SRP54: variants seen among roughly 807,000 people sequenced by gnomAD.
SRP54 encodes signal recognition particle 54, also known as signal recognition particle subunit SRP54.
A neutral mutation model predicts 64.8 loss-of-function variants in SRP54; 10 were observed. That is an observed-to-expected ratio of 0.15 (90% confidence interval 0.10 to 0.26). SRP54 has a LOEUF of 0.26. SRP54 is among the 10% of genes least tolerant of loss of function. SRP54 has a pLI of 1.00. For synonymous variants in SRP54, 193 were observed against 185.6 expected, an observed-to-expected ratio of 1.04 and a Z score of -0.32; for missense variants, 325 against 613.7, an observed-to-expected ratio of 0.53 and a Z score of 4.97.
intron 1 of SRP54, among the ~76,000 whole-genome samples, chr14:34,992,137 T>C (rs900432472): frequency 6.6e-5 from 10 of 152,186 alleles, no homozygotes; most frequent in Admixed American, 3.3e-4. Context: ...TTCGCCATGT[T>C]GACCAGGCTG....
chr14:35,016,657 T>C (rs1055810864), intron 11 of SRP54, among the ~76,000 whole-genome samples: 1 of 152,180 alleles, frequency 6.6e-6, no homozygotes, highest in Non-Finnish European at 1.5e-5. Flanking sequence ...ATTTTTATAT[T>C]ATTCAGCACA....
intron 1 of SRP54, among the ~76,000 whole-genome samples, chr14:34,988,594 TA>T (rs1566640542): frequency 8.4e-6 from 1 of 119,364 alleles, no homozygotes; most frequent in African/African-American, 3.0e-5. Flanking sequence ...TATATATATA[TA>T]ACATATATAT....
intron 5 of SRP54, 105 bp downstream of exon 5, chr14:35,007,492 A>T (rs1366572680): frequency 8.9e-6 from 3 of 338,578 alleles, no homozygotes; most frequent in Admixed American, 5.2e-5. Context: ...ATAATGTTGA[A>T]ATATATATTT....
chr14:35,012,828 A>G (rs1004126441), intron 8 of SRP54, among the ~76,000 whole-genome samples: 1 of 152,184 alleles, frequency 6.6e-6, no homozygotes, highest in African/African-American at 2.4e-5. Flanking sequence ...TTCTTAGGAC[A>G]AATATTTTCT....
chr14:34,994,932 CTTTT>C (rs59058538), intron 1 of SRP54, among the ~76,000 whole-genome samples: 31,172 of 84,200 alleles, frequency 0.37, 5,699 homozygotes, highest in East Asian at 0.65. Flanking sequence ...TGCCTGGCTA[CTTTT>C]TTTTTTTTTT....
At chr14:34,983,392 G>C (rs1356277933) in intron 1 of SRP54, among the ~76,000 whole-genome samples, 177 bp downstream of exon 1, 3 of 152,186 alleles carry the variant, frequency 2.0e-5, no homozygotes, top group East Asian at 1.9e-4. Flanking sequence ...TTTTATTAAA[G>C]ATGCGCTGTG....
chr14:35,010,660 G>A (rs10220564), intron 7 of SRP54, among the ~76,000 whole-genome samples: 2,706 of 152,064 alleles, frequency 0.018, 69 homozygotes, highest in African/African-American at 0.058. Flanking sequence ...AGCCACTTGG[G>A]AGGCTGAGGC....
intron 14 of SRP54, among the ~76,000 whole-genome samples, chr14:35,027,026 CTTT>C (rs368696128): frequency 7.4e-6 from 1 of 135,058 alleles, no homozygotes; most frequent in Admixed American, 7.4e-5. Flanking sequence ...TTTCTACTTT[CTTT>C]TTTTTTTTTT....
At chr14:35,015,305 A>T (rs929835530) in intron 11 of SRP54, among the ~76,000 whole-genome samples, 1 of 152,066 alleles carries the variant, frequency 6.6e-6, no homozygotes, top group Non-Finnish European at 1.5e-5. Flanking sequence ...TGAACTGCTG[A>T]CCTCAGGTGA....
At chr14:34,999,198 A>G (rs2138980764) in intron 2 of SRP54, among the ~76,000 whole-genome samples, 1 of 151,754 alleles carries the variant, frequency 6.6e-6, no homozygotes, top group South Asian at 2.1e-4. Context: ...TATTTTTAGT[A>G]GAGATGAGGT....
Position 34,996,787 on chromosome 14 carries a change from G to A in SRP54, c.78G>A (p.Glu26=). 1 of 1,602,070 alleles carries A rather than the reference G, an allele frequency of 6.2e-7. No individual in the cohort carries two copies. Among genetic ancestry groups the A allele is most frequent in the Non-Finnish European group, 8.6e-7 (1 of 1,169,236 alleles). The change falls in exon 2 of 16, where the codon GAG becomes GAA. Residue 26 remains glutamate, a splice_region_variant and synonymous_variant. Coordinates refer to ENST00000216774, the MANE Select transcript of SRP54 (RefSeq NM_003136.4). The part of the protein sequence containing the change: ...SLSNATIINE[E]VLNAMLKEVC... ...GCAATGCCACCATTATCAATGAAGA[G>A]GTATGTAAAATATTGTATGAAATAT...
intron 10 of SRP54, 21 bp downstream of exon 10, chr14:35,013,923 A>G: frequency 1.3e-6 from 2 of 1,517,452 alleles, no homozygotes; most frequent in Middle Eastern, 1.7e-4. Context: ...TGGTGGGGAT[A>G]TAGAAAAATC....
chr14:34,984,920 T>G (rs1357019987), intron 1 of SRP54, among the ~76,000 whole-genome samples: 1 of 152,164 alleles, frequency 6.6e-6, no homozygotes, highest in Non-Finnish European at 1.5e-5. Flanking sequence ...TTTTTTTTTT[T>G]TTTTCACTAT....
intron 7 of SRP54, 67 bp from the exon 8 acceptor site, chr14:35,011,442 A>G: frequency 7.9e-7 from 1 of 1,259,082 alleles, no homozygotes; most frequent in Non-Finnish European, 1.0e-6. Context: ...TAGGTAAATT[A>G]ACTTTCCGAA....
At chr14:34,987,246 A>AAATATATAT (rs1555352658) in intron 1 of SRP54, among the ~76,000 whole-genome samples, 12 of 110,062 alleles carry the variant, frequency 1.1e-4, no homozygotes, top group African/African-American at 4.4e-4. Context: ...AAAAAAAAAA[A>AAATATATAT]ATATATATAT....
chr14:34,987,476 T>C (rs926332078), intron 1 of SRP54, among the ~76,000 whole-genome samples: 2 of 152,030 alleles, frequency 1.3e-5, no homozygotes, highest in East Asian at 3.8e-4. Flanking sequence ...TAAGCAACTA[T>C]TAATCCACTT....
At chr14:35,014,899 T>G in intron 11 of SRP54, 69 bp downstream of exon 11, 1 of 1,183,360 alleles carries the variant, frequency 8.5e-7, no homozygotes, top group Non-Finnish European at 1.2e-6. Context: ...AAGTTACTAT[T>G]AAGTTATTTG....
intron 8 of SRP54, among the ~76,000 whole-genome samples, chr14:35,012,964 A>C (rs1225554981): frequency 3.7e-5 from 4 of 109,520 alleles, no homozygotes; most frequent in African/African-American, 1.4e-4. Context: ...TTTTTTTGAG[A>C]TGGAGTTTCA....
intron 13 of SRP54, among the ~76,000 whole-genome samples, chr14:35,022,016 ATAC>A (rs2044539110): frequency 6.6e-6 from 1 of 152,226 alleles, no homozygotes; most frequent in South Asian, 2.1e-4. Context: ...GAGAATTAAA[ATAC>A]TAGTAGTAGT....
Sources: allele counts gnomAD v4.1 joint callset (sites outside exome capture counted in the v4.1 genomes callset), GRCh38; gene constraint gnomAD v4.1.1; transcripts MANE v1.5; gene names NCBI Gene and HGNC (gene_info 2026-07-23, HGNC 2026-07-21).